NIPBL: variants seen among roughly 807,000 people sequenced by gnomAD.
The protein encoded by NIPBL is nipped-B-like protein.
Under a neutral mutation model 321.8 loss-of-function variants are expected in NIPBL, and 19 were observed. The observed-to-expected ratio is 0.06, with a 90% CI of 0.04 to 0.09. NIPBL has a LOEUF of 0.09. Ranked by LOEUF, NIPBL falls within the 10% of genes least tolerant of loss-of-function variation. NIPBL has a pLI of 1.00. For missense variants in NIPBL, 2,210 were observed against 3,327.0 expected (o/e 0.66, Z 8.26); for synonymous variants, 1,106 against 1,114.1 (o/e 0.99, Z 0.14).
chr5:36,952,302 A>G (rs1740472177), intron 1 of NIPBL, among the ~76,000 whole-genome samples: 1 of 152,144 alleles, frequency 6.6e-6, no homozygotes, highest in South Asian at 2.1e-4. Flanking sequence ...TTCTCTTAAA[A>G]GTGACTGACT....
chr5:37,031,150 AT>A (rs1750970399), intron 32 of NIPBL, among the ~76,000 whole-genome samples: 1 of 151,608 alleles, frequency 6.6e-6, no homozygotes, highest in Non-Finnish European at 1.5e-5. Context: ...CGCCTGGCTA[AT>A]TTTTTTATAT....
At chr5:37,027,603 G>GTTTTTTTT (rs781358128) in intron 32 of NIPBL, among the ~76,000 whole-genome samples, 191 bp downstream of exon 32, 31 of 69,766 alleles carry the variant, frequency 4.4e-4, no homozygotes, top group Admixed American at 6.8e-4. Context: ...CCTGGTTGTG[G>GTTTTTTTT]TTTTTTTTTT....
chr5:36,962,415 C>T, intron 6 of NIPBL, 141 bp downstream of exon 6: 1 of 890,414 alleles, frequency 1.1e-6, no homozygotes, highest in East Asian at 2.7e-5. Flanking sequence ...AAAGATATGG[C>T]TTAAATCATT....
At chr5:36,983,700 A>G (rs1744404908) in intron 9 of NIPBL, among the ~76,000 whole-genome samples, 1 of 151,508 alleles carries the variant, frequency 6.6e-6, no homozygotes, top group Non-Finnish European at 1.5e-5. Flanking sequence ...TGGAGATTTA[A>G]TTTATAGAAA....
At chr5:37,064,412 G>T (rs1349359769) in intron 46 of NIPBL, 115 bp from the exon 47 acceptor site, 3 of 1,555,928 alleles carry the variant, frequency 1.9e-6, no homozygotes, top group Non-Finnish European at 2.6e-6. Context: ...CAATGGAAGT[G>T]TGCCGGGAAA....
At chr5:37,037,138 A>G (rs2149719037) in intron 33 of NIPBL, among the ~76,000 whole-genome samples, 1 of 151,850 alleles carries the variant, frequency 6.6e-6, no homozygotes, top group Non-Finnish European at 1.5e-5. Flanking sequence ...CTGTAATCCC[A>G]GCACTTTGGG....
intron 1 of NIPBL, among the ~76,000 whole-genome samples, chr5:36,897,009 T>TA (rs1561359928): frequency 1.5e-5 from 2 of 137,570 alleles, no homozygotes; most frequent in African/African-American, 6.6e-5. Context: ...TTTTATATAT[T>TA]TTTTTTTTTT....
intron 1 of NIPBL, among the ~76,000 whole-genome samples, chr5:36,912,780 G>T (rs893676011): frequency 6.6e-6 from 1 of 152,136 alleles, no homozygotes; most frequent in African/African-American, 2.4e-5. Flanking sequence ...GATTACAGAT[G>T]TGAGCCACCG....
intron 1 of NIPBL, among the ~76,000 whole-genome samples, chr5:36,927,174 AAG>A (rs1168024741): frequency 6.6e-6 from 1 of 152,200 alleles, no homozygotes; most frequent in Non-Finnish European, 1.5e-5. Flanking sequence ...TGAGAAAAGA[AAG>A]AATCCTCCAC....
At chr5:36,911,345 C>T (rs1398102890) in intron 1 of NIPBL, among the ~76,000 whole-genome samples, 2 of 152,142 alleles carry the variant, frequency 1.3e-5, no homozygotes, top group African/African-American at 4.8e-5. Flanking sequence ...GAACAGTTAC[C>T]TTAAAGAAAG....
chr5:37,014,867 T>G (rs1434794010), intron 22 of NIPBL, 102 bp downstream of exon 22: 1 of 742,188 alleles, frequency 1.3e-6, no homozygotes, highest in Non-Finnish European at 2.4e-6. Context: ...AATCTGAACC[T>G]TGAATACATC....
intron 1 of NIPBL, among the ~76,000 whole-genome samples, chr5:36,922,126 G>T (rs973919792): frequency 1.3e-5 from 2 of 151,952 alleles, no homozygotes; most frequent in South Asian, 2.1e-4. Context: ...GACCTCAGGC[G>T]ATCTGCCCGC....
At chr5:36,983,487 C>T (rs536931804) in intron 9 of NIPBL, among the ~76,000 whole-genome samples, 130 of 152,006 alleles carry the variant, frequency 8.6e-4, no homozygotes, top group Non-Finnish European at 1.4e-3. Context: ...AGCCATTTTT[C>T]AGTTGTCAGT....
chr5:37,057,407 A>C, intron 43 of NIPBL, 75 bp downstream of exon 43: 11 of 1,408,280 alleles, frequency 7.8e-6, no homozygotes, highest in Non-Finnish European at 1.0e-5. Flanking sequence ...TTTGTTTCTC[A>C]TTATTCTTTT....
intron 21 of NIPBL, among the ~76,000 whole-genome samples, chr5:37,013,452 G>A (rs1288323793): frequency 3.2e-4 from 49 of 151,676 alleles, no homozygotes; most frequent in Admixed American, 6.5e-4. Flanking sequence ...CTTCTCAGAC[G>A]GGGCGGCTGC....
intron 1 of NIPBL, among the ~76,000 whole-genome samples, chr5:36,924,146 G>T (rs1194174482): frequency 6.6e-6 from 1 of 151,910 alleles, no homozygotes; most frequent in Non-Finnish European, 1.5e-5. Flanking sequence ...TCTTAACTTT[G>T]GATAACAGCT....
rs957987351 is a variant in NIPBL at position 37,022,481 on chromosome 5, A to G, written c.5574+91A>G. On this transcript the variant is annotated intron_variant, in intron 29 of 46. Coordinates refer to ENST00000282516, the MANE Select transcript of NIPBL (RefSeq NM_133433.4). ...TTAAAGTGTTAAGTTAGAAAAATAA[A>G]TGTACCAATTATATATTTATATTGT... The G allele has an allele frequency of 4.5e-6, 5 of 1,100,408 alleles. No individual in the cohort carries two copies. In the African/African-American group the frequency reaches 4.7e-5, roughly 10 times the overall value. 68.2% of individuals were successfully genotyped at this position (1,100,408 alleles called of 1,614,324 possible).
chr5:36,895,095 A>G (rs1185446264), intron 1 of NIPBL, among the ~76,000 whole-genome samples: 2 of 152,190 alleles, frequency 1.3e-5, no homozygotes, highest in Non-Finnish European at 2.9e-5. Flanking sequence ...ATTACTTTCT[A>G]GTTCCAGAGC....
chr5:36,962,052 C>A, intron 5 of NIPBL, 71 bp from the exon 6 acceptor site: 1 of 1,545,276 alleles, frequency 6.5e-7, no homozygotes, highest in Non-Finnish European at 8.9e-7. Flanking sequence ...GACTTTGTGA[C>A]AGTCAGATTT....
Sources: allele counts gnomAD v4.1 joint callset (sites outside exome capture counted in the v4.1 genomes callset), GRCh38; gene constraint gnomAD v4.1.1; transcripts MANE v1.5; gene names NCBI Gene and HGNC (gene_info 2026-07-23, HGNC 2026-07-21).